HUNK: variants seen among roughly 807,000 people sequenced by gnomAD.
The protein encoded by HUNK is hormonally up-regulated Neu-associated kinase.
Under a neutral mutation model 61.0 loss-of-function variants are expected in HUNK, and 21 were observed. That is an observed-to-expected ratio of 0.34 (90% CI 0.24 to 0.50). The LOEUF (loss-of-function observed/expected upper bound fraction) is 0.50. Among genes scored for constraint, HUNK ranks in the 20% least tolerant of loss-of-function variants. HUNK has a pLI of 0.98. For missense variants in HUNK, 772 were observed against 945.7 expected (o/e 0.82, Z 2.41); for synonymous variants, 371 against 386.1 (o/e 0.96, Z 0.46).
chr21:31,891,006 C>T (rs765023814), intron 1 of HUNK, among the ~76,000 whole-genome samples: 24 of 151,728 alleles, frequency 1.6e-4, no homozygotes, highest in East Asian at 7.7e-4. Flanking sequence ...TTAAATTTGA[C>T]GGTTTAATTA....
intron 5 of HUNK, among the ~76,000 whole-genome samples, chr21:31,964,837 A>G (rs2052952261): frequency 6.6e-6 from 1 of 152,220 alleles, no homozygotes; most frequent in African/African-American, 2.4e-5. Context: ...AAATAGAACA[A>G]AAATGCACAT....
At chr21:31,971,801 G>C (rs930147668) in intron 6 of HUNK, among the ~76,000 whole-genome samples, 9 of 150,686 alleles carry the variant, frequency 6.0e-5, no homozygotes, top group Admixed American at 4.0e-4. Context: ...TTTGCTAGGT[G>C]CCAGCTCCCC....
chr21:31,876,478 G>T (rs992509330), intron 1 of HUNK, among the ~76,000 whole-genome samples: 1 of 152,202 alleles, frequency 6.6e-6, no homozygotes, highest in Admixed American at 6.5e-5. Flanking sequence ...GGTTGTGTGT[G>T]TATGCTTGAC....
At chr21:31,937,573 C>G (rs1371948467) in intron 2 of HUNK, among the ~76,000 whole-genome samples, 1 of 152,126 alleles carries the variant, frequency 6.6e-6, no homozygotes, top group East Asian at 1.9e-4. Flanking sequence ...TACATTGAAC[C>G]ACTGCACAAG....
chr21:31,998,782 G>A lies in HUNK; in HGVS notation c.1743G>A (p.Arg581=), dbSNP rs368516801. The change falls in exon 11 of 11, where the codon AGG becomes AGA. Residue 581 remains arginine, a synonymous_variant. Transcript: ENST00000270112. ...TGCTGTCTCCCTCTCATCACTACAG[G>A]ATTCTGAACTCCCCGGTCAGCTTGG... ...VEVLSPSHHY[R]ILNSPVSLAR... is the part of the protein sequence containing the mutation. 4.2e-5 allele frequency: 68 copies of A among 1,614,154 alleles called. No homozygotes were observed. In the African/African-American group the frequency reaches 6.8e-4, roughly 16 times the overall value.
At chr21:31,964,351 T>A (rs2052948855) in intron 5 of HUNK, among the ~76,000 whole-genome samples, 1 of 152,202 alleles carries the variant, frequency 6.6e-6, no homozygotes, top group Non-Finnish European at 1.5e-5. Context: ...CAGGCTACAC[T>A]AATGTGAAAA....
intron 5 of HUNK, among the ~76,000 whole-genome samples, chr21:31,961,990 A>G (rs912209466): frequency 5.3e-5 from 8 of 152,236 alleles, no homozygotes; most frequent in Non-Finnish European, 1.0e-4. Flanking sequence ...CTCAGTTGAG[A>G]GCTGGATCAA....
intron 2 of HUNK, among the ~76,000 whole-genome samples, chr21:31,929,038 T>TTGTGTGTG: frequency 6.6e-6 from 1 of 150,840 alleles, no homozygotes; most frequent in South Asian, 2.1e-4. Flanking sequence ...GGGCTTTTGG[T>TTGTGTGTG]TGTGTGTGTG....
chr21:31,882,376 A>T (rs2052314441), intron 1 of HUNK, among the ~76,000 whole-genome samples: 1 of 152,180 alleles, frequency 6.6e-6, no homozygotes, highest in African/African-American at 2.4e-5. Context: ...GAGGGTTTGC[A>T]GTGAGAGGTA....
intron 2 of HUNK, among the ~76,000 whole-genome samples, chr21:31,932,155 A>G (rs926043292): frequency 3.3e-4 from 50 of 152,150 alleles, no homozygotes; most frequent in Non-Finnish European, 5.0e-4. Context: ...TGCCCACACA[A>G]ACTCATGTGT....
chr21:31,895,302 T>C (rs1359925204), intron 1 of HUNK, among the ~76,000 whole-genome samples: 1 of 152,172 alleles, frequency 6.6e-6, no homozygotes, highest in Non-Finnish European at 1.5e-5. Flanking sequence ...TCAGACTTCC[T>C]GTGTGTTAAG....
At chr21:31,911,356 A>G (rs745604498) in intron 1 of HUNK, among the ~76,000 whole-genome samples, 3 of 152,158 alleles carry the variant, frequency 2.0e-5, no homozygotes, top group Non-Finnish European at 2.9e-5. Flanking sequence ...TGATGTGGTT[A>G]TAAGTGGGTG....
At chr21:31,922,334 C>CT (rs1195834815) in intron 1 of HUNK, among the ~76,000 whole-genome samples, 10 of 141,670 alleles carry the variant, frequency 7.1e-5, no homozygotes, top group South Asian at 4.5e-4. Context: ...AGTTTTCTTT[C>CT]TTTTTTTTTG....
chr21:31,915,843 G>A (rs2052577961), intron 1 of HUNK, among the ~76,000 whole-genome samples: 1 of 152,124 alleles, frequency 6.6e-6, no homozygotes, highest in Non-Finnish European at 1.5e-5. Context: ...TGAAAACCCT[G>A]AGATAGAGTT....
In HUNK at chr21:31,935,172, GGTTGTAGTTGTACCATTCTTA is replaced by G. The variant is rs980515344; in HGVS notation, c.555-4990_555-4970del. ...AGTGAACTGCCTGAGTGAGGCACTT[GGTTGTAGTTGTACCATTCTTA>G]GTGTGGATTGCTTAGGAAAGGGAAA... On this transcript the variant is annotated intron_variant, in intron 2 of 10. Coordinates refer to ENST00000270112, the MANE Select transcript of HUNK (RefSeq NM_014586.2). Among the ~76,000 whole-genome samples, 12 of 152,156 alleles carry G rather than the reference GGTTGTAGTTGTACCATTCTTA, an allele frequency of 7.9e-5. 1 individual carries two copies. Among genetic ancestry groups the G allele is most frequent in the Admixed American group, 3.3e-4 (5 of 15,272 alleles).
At chr21:31,950,366 C>G (rs890257052) in intron 4 of HUNK, among the ~76,000 whole-genome samples, 1 of 152,136 alleles carries the variant, frequency 6.6e-6, no homozygotes, top group African/African-American at 2.4e-5. Context: ...TATGGCAACC[C>G]TAGCACATAT....
chr21:31,921,408 G>A (rs904054139), intron 1 of HUNK, among the ~76,000 whole-genome samples: 1 of 151,566 alleles, frequency 6.6e-6, no homozygotes, highest in Admixed American at 6.6e-5. Context: ...TCTCTGGTAG[G>A]GAGGTTAGCC....
intron 1 of HUNK, among the ~76,000 whole-genome samples, chr21:31,910,884 A>C (rs1283830652): frequency 1.3e-5 from 2 of 152,210 alleles, no homozygotes; most frequent in Non-Finnish European, 2.9e-5. Context: ...CTTACTTAGA[A>C]TACCTAATGC....
intron 1 of HUNK, among the ~76,000 whole-genome samples, chr21:31,916,047 T>C (rs375190258): frequency 7.7e-6 from 1 of 130,336 alleles, no homozygotes; most frequent in Non-Finnish European, 1.6e-5. Context: ...TGCTTTCTTT[T>C]TTTTTTTTTT....
Sources: gnomAD v4.1 joint callset for allele counts (sites outside exome capture counted in the v4.1 genomes callset) on GRCh38, gnomAD v4.1.1 for gene constraint, MANE v1.5 for transcripts, NCBI Gene and HGNC (gene_info 2026-07-23, HGNC 2026-07-21) for gene names.